DMD: variants seen among roughly 807,000 people sequenced by gnomAD.
The protein encoded by DMD is mutant dystrophin.
A neutral mutation model predicts 330.1 loss-of-function variants in DMD; 63 were observed. The observed-to-expected ratio is 0.19, with a 90% confidence interval of 0.16 to 0.24. The LOEUF is 0.24. Ranked by LOEUF, DMD falls within the 10% of genes least tolerant of loss-of-function variation. The probability of loss-of-function intolerance (pLI) is 1.00; values close to 1 mark genes in which losing one functional copy is unlikely to be tolerated. For missense variants in DMD, 3,344 were observed against 2,684.1 expected (o/e 1.25, Z -5.43); for synonymous variants, 1,223 against 959.8 (o/e 1.27, Z -5.07).
At chrX:32,528,505 C>A (rs2047130899) in intron 17 of DMD, among the ~76,000 whole-genome samples, 1 of 111,246 alleles carries the variant, frequency 9.0e-6, no homozygotes, top group South Asian at 3.8e-4. Flanking sequence ...TACTGTAAAC[C>A]AAAAATAAAA....
At chrX:31,941,362 G>C (rs1490588376) in intron 45 of DMD, among the ~76,000 whole-genome samples, 1 of 111,346 alleles carries the variant, frequency 9.0e-6, no homozygotes, top group African/African-American at 3.3e-5. Flanking sequence ...AAGTTCAATG[G>C]ATGACTCCAC....
chrX:31,121,825 T>C lies in DMD; in HGVS notation c.*94A>G. On this transcript the variant is annotated 3_prime_UTR_variant, in exon 79 of 79. Transcript: ENST00000357033. Reference sequence around the variant, plus strand: ...AAAACCATGCGGGAATCAGGAGTTGTAAAACATTTATTCTGCTCCTTCTTC... The same window carrying C: ...AAAACCATGCGGGAATCAGGAGTTGCAAAACATTTATTCTGCTCCTTCTTC... 8.6e-7 allele frequency: 1 copy of C among 1,157,591 alleles called. No individual in the cohort carries two copies. Among genetic ancestry groups the C allele is most frequent in the East Asian group, 3.0e-5 (1 of 33,620 alleles).
chrX:32,789,638 G>A (rs759143921), intron 7 of DMD, among the ~76,000 whole-genome samples: 2 of 111,801 alleles, frequency 1.8e-5, no homozygotes, highest in African/African-American at 3.3e-5. Flanking sequence ...GTTATCTATT[G>A]GCTGTGTGAT....
At chrX:32,042,599 G>A (rs1199716097) in intron 44 of DMD, among the ~76,000 whole-genome samples, 2 of 111,706 alleles carry the variant, frequency 1.8e-5, no homozygotes, top group Non-Finnish European at 3.8e-5. Flanking sequence ...ATATCAATGT[G>A]TGTGTATAAT....
chrX:32,846,723 T>TTA (rs1491283627), intron 3 of DMD, among the ~76,000 whole-genome samples: 14 of 53,585 alleles, frequency 2.6e-4, no homozygotes, highest in African/African-American at 9.7e-4. Context: ...ACTTTAGATT[T>TTA]AAAAAAAAAA....
chrX:33,182,529 C>T (rs2050050204), intron 1 of DMD, among the ~76,000 whole-genome samples: 1 of 111,030 alleles, frequency 9.0e-6, no homozygotes, highest in South Asian at 3.8e-4. Flanking sequence ...TCTCCTTGGC[C>T]TCCCAAAGTA....
intron 51 of DMD, among the ~76,000 whole-genome samples, chrX:31,761,411 A>G (rs980984107): frequency 9.0e-6 from 1 of 111,371 alleles, no homozygotes; most frequent in Non-Finnish European, 1.9e-5. Flanking sequence ...AGGAAAAAAA[A>G]GTGTTACAAG....
rs773749487 is a variant in DMD, at chrX:32,822,948, T to C, written c.357+347A>G. Among the ~76,000 whole-genome samples, 20 of 111,821 alleles carry C rather than the reference T, an allele frequency of 1.8e-4. No individual in the cohort carries two copies. In the South Asian group the frequency reaches 7.0e-3, roughly 39 times the overall value. The stretch of plus-strand genomic sequence containing the variant: ...CCAAGACTGAGAAAGCCTCATTCCT[T>C]TGGTAGTGATTAAAATAAAACATAC... On this transcript the variant is annotated intron_variant, in intron 5 of 78. Coordinates refer to ENST00000357033, the MANE Select transcript of DMD (RefSeq NM_004006.3).
At position 32,456,832 on chromosome X, in the gene DMD, G is replaced by T. The variant is rs886215637; in HGVS notation, c.3433-2000C>A. 3.7e-5 allele frequency among the ~76,000 whole-genome samples: 4 copies of T among 108,073 alleles called. No homozygotes were observed. The Admixed American group carries it at 4.0e-4, about 11-fold the overall frequency. The allele number at this position is 108,073 out of a possible 115,157, so 93.8% of individuals were successfully genotyped here. ...AGGCAAATTTCTAGGGTAGTAGACT[G>T]GGGTATACATCAGGAATTTTGTTTT... On this transcript the variant is annotated intron_variant, in intron 25 of 78. Transcript: ENST00000357033.
At chrX:32,348,989 T>A (rs2147071407) in intron 37 of DMD, among the ~76,000 whole-genome samples, 1 of 111,798 alleles carries the variant, frequency 8.9e-6, no homozygotes, top group East Asian at 2.8e-4. Context: ...TCTGCTCAGA[T>A]GTTTTAAATG....
intron 25 of DMD, 81 bp downstream of exon 25, chrX:32,463,357 CA>C: frequency 2.1e-6 from 2 of 970,794 alleles, no homozygotes; most frequent in Non-Finnish European, 2.8e-6. Flanking sequence ...AAGCCTTAAC[CA>C]AAAGTAACGG....
chrX:32,437,175 G>T (rs749312330), intron 29 of DMD, among the ~76,000 whole-genome samples: 1 of 112,076 alleles, frequency 8.9e-6, no homozygotes, highest in East Asian at 2.8e-4. Flanking sequence ...GTGCAACAAT[G>T]ATGAAGGACC....
intron 2 of DMD, among the ~76,000 whole-genome samples, chrX:32,855,484 C>G (rs992174865): frequency 8.9e-6 from 1 of 111,837 alleles, no homozygotes; most frequent in Admixed American, 9.5e-5. Context: ...ACCAATGGAA[C>G]AGAATAGAGC....
intron 26 of DMD, 42 bp from the exon 27 acceptor site, chrX:32,448,680 T>C: frequency 9.2e-7 from 1 of 1,092,243 alleles, no homozygotes; most frequent in Non-Finnish European, 1.2e-6. Context: ...TGAAAATAAC[T>C]TTACATCCAA....
intron 43 of DMD, among the ~76,000 whole-genome samples, chrX:32,256,235 T>C (rs1315326482): frequency 9.0e-6 from 1 of 111,631 alleles, no homozygotes; most frequent in African/African-American, 3.3e-5. Context: ...CATTATGTAA[T>C]GTAATACCCT....
chrX:32,732,868 C>A (rs1325582629), intron 7 of DMD, among the ~76,000 whole-genome samples: 21 of 110,134 alleles, frequency 1.9e-4, no homozygotes, highest in Admixed American at 3.9e-4. Context: ...CGAGCAAAAT[C>A]ACCAGCTAAC....
At chrX:32,094,298 A>T (rs759597349) in intron 44 of DMD, among the ~76,000 whole-genome samples, 55 of 112,215 alleles carry the variant, frequency 4.9e-4, no homozygotes, top group African/African-American at 1.7e-3. Flanking sequence ...TAGTGGCAAT[A>T]ATAAATAAAA....
chrX:32,790,082 G>C (rs867747959), intron 7 of DMD, among the ~76,000 whole-genome samples: 6 of 111,626 alleles, frequency 5.4e-5, no homozygotes, highest in Admixed American at 9.5e-5. Flanking sequence ...ATTGCCATAA[G>C]ACAAAAAATC....
At chrX:31,350,485 G>C (rs953262691) in intron 60 of DMD, among the ~76,000 whole-genome samples, 1 of 111,415 alleles carries the variant, frequency 9.0e-6, no homozygotes, top group Admixed American at 9.6e-5. Flanking sequence ...CTTTCTCTTC[G>C]AATGTCTCCA....
Sources: gnomAD v4.1 joint callset for allele counts (sites outside exome capture counted in the v4.1 genomes callset) on GRCh38, gnomAD v4.1.1 for gene constraint, MANE v1.5 for transcripts, NCBI Gene and HGNC (gene_info 2026-07-23, HGNC 2026-07-21) for gene names.